Variants in LAMC3 observed in about 807,000 individuals in gnomAD.
The protein encoded by LAMC3 is laminin subunit gamma 3, also known as laminin subunit gamma-3.
In LAMC3, 128 loss-of-function variants were observed where a neutral mutation model predicts 173.8. The ratio of observed to expected loss-of-function variants is 0.74; its 90% confidence interval spans 0.64 to 0.85. LAMC3 has a LOEUF of 0.85. Among genes scored for constraint, LAMC3 ranks in the 40% least tolerant of loss-of-function variants. The pLI, the probability that LAMC3 is intolerant of heterozygous loss-of-function variation, is 0.00. For synonymous variants in LAMC3, 897 were observed against 909.1 expected (o/e 0.99, Z 0.24); for missense variants, 2,022 against 2,156.0 (o/e 0.94, Z 1.23).
chr9:131,026,449 C>T lies in LAMC3; in HGVS notation c.538C>T (p.Arg180Cys), dbSNP rs146609763. 326 of 1,613,620 alleles carry T rather than the reference C, an allele frequency of 2.0e-4. 1 individual carries two copies. Among genetic ancestry groups the T allele is most frequent in the Middle Eastern group, 3.3e-4 (2 of 6,062 alleles). Residue 180 changes from arginine to cysteine, a missense_variant, in exon 2 of 28, where the codon CGC becomes TGC. By Grantham distance (180) the Arg-to-Cys change is radical. Transcript: ENST00000361069. This position sits in a 1 kb window ranked among gnomAD's most constrained non-coding sequence, Gnocchi z 4.8. ...TYGRPEGQYLRPGEDERVAFC... is the reference protein window; with the variant it reads ...TYGRPEGQYLCPGEDERVAFC... ...CGGCCGGCCCGAGGGCCAGTACCTG[C>T]GCCCCGGCGAGGACGAGCGCGTGGC... is the stretch of plus-strand genomic sequence containing the variant.
At chr9:131,063,658 C>A (rs1055143763) in intron 13 of LAMC3, among the ~76,000 whole-genome samples, 5 of 152,182 alleles carry the variant, frequency 3.3e-5, no homozygotes, top group African/African-American at 1.2e-4. Context: ...CCCCTTGCAG[C>A]CCCTCCCAGG....
chr9:131,040,154 C>T (rs1834022716), intron 6 of LAMC3, among the ~76,000 whole-genome samples: 2 of 150,962 alleles, frequency 1.3e-5, no homozygotes, highest in Admixed American at 6.6e-5. Context: ...GCTGGGATTA[C>T]AAGCATGCAC....
intron 23 of LAMC3, chr9:131,080,277 C>T (rs1830214824): frequency 7.1e-6 from 1 of 141,186 alleles, no homozygotes; most frequent in Non-Finnish European, 1.5e-5. Context: ...CACCCAGCCT[C>T]ATTCCTTTTT....
chr9:131,019,670 G>A (rs544623857), intron 1 of LAMC3, among the ~76,000 whole-genome samples: 2 of 152,186 alleles, frequency 1.3e-5, no homozygotes, highest in Non-Finnish European at 2.9e-5. Flanking sequence ...CAGGCTCAGG[G>A]AGCAGAAGGA....
At chr9:131,010,491 T>C (rs1244481123) in intron 1 of LAMC3, among the ~76,000 whole-genome samples, 1 of 152,210 alleles carries the variant, frequency 6.6e-6, no homozygotes, top group Admixed American at 6.5e-5. Flanking sequence ...TGGTTTTCCA[T>C]CCTAGACCAG....
Position 131,072,635 on chromosome 9 carries a change from C to T in LAMC3, c.3217C>T (p.Arg1073Trp), listed in dbSNP as rs757119752. Reference protein sequence around the residue: ...YQGHHLLPGAREAFLEQMMSL... With the variant: ...YQGHHLLPGAWEAFLEQMMSL... ...GGGCTGTGGGCTTCCCATAGGGGCT[C>T]GGGAAGCCTTCCTGGAGCAGATGAT... is the stretch of plus-strand genomic sequence containing the variant. Residue 1073 changes from arginine (R) to tryptophan (W), a missense_variant, in exon 19 of 28, where the codon CGG becomes TGG. By Grantham distance (101) the Arg-to-Trp change is moderately radical. Coordinates refer to ENST00000361069, the MANE Select transcript of LAMC3 (RefSeq NM_006059.4). The T allele has an allele frequency of 1.7e-5, 27 of 1,608,798 alleles. No homozygotes were observed. The highest frequency in any genetic ancestry group is 1.7e-5 in the Admixed American group (1 of 59,582).
intron 12 of LAMC3, among the ~76,000 whole-genome samples, chr9:131,058,761 G>A (rs181461761): frequency 1.3e-5 from 2 of 151,596 alleles, no homozygotes; most frequent in East Asian, 4.0e-4. Flanking sequence ...GGGTGTGGTG[G>A]CAGGCACCTG....
chr9:131,010,622 C>T (rs527652845), intron 1 of LAMC3, among the ~76,000 whole-genome samples: 24 of 152,376 alleles, frequency 1.6e-4, no homozygotes, highest in African/African-American at 5.0e-4. Context: ...TGCCTGCAGT[C>T]CTCGGGTGGG....
In LAMC3 at chr9:131,066,998, G is replaced by C; in HGVS notation, c.2386G>C (p.Asp796His). The C allele has an allele frequency of 6.2e-7, 1 of 1,613,964 alleles. No homozygotes were observed. The highest frequency in any genetic ancestry group is 1.3e-5 in the African/African-American group (1 of 75,048). The change falls in exon 14 of 28, where the codon GAC becomes CAC. Residue 796 changes from aspartate to histidine, a missense_variant. Physicochemically the swap from Asp to His is moderately conservative, Grantham distance 81 (BLOSUM62 -1). Coordinates refer to ENST00000361069, the MANE Select transcript of LAMC3 (RefSeq NM_006059.4). The stretch of plus-strand genomic sequence containing the variant: ...GGTCTGTGATGATGGCTTTTTTGGG[G>C]ACCCGCTGGGGCTCTTTGGGCACCC... ...CEVCDDGFFG[D>H]PLGLFGHPQP...
chr9:131,038,811 C>A, intron 4 of LAMC3, 53 bp from the exon 5 acceptor site: 1 of 1,565,192 alleles, frequency 6.4e-7, no homozygotes, highest in Non-Finnish European at 8.8e-7. Flanking sequence ...ACAGATGCAG[C>A]CTCCTACCAC....
chr9:131,073,209 G>T (rs1017118564), intron 19 of LAMC3, 36 bp from the exon 20 acceptor site: 5 of 1,517,018 alleles, frequency 3.3e-6, no homozygotes, highest in Non-Finnish European at 4.6e-6. Flanking sequence ...TTGGCGATGG[G>T]CCATCAGTTT....
At chr9:131,067,338 C>A in intron 14 of LAMC3, 133 bp downstream of exon 14, 1 of 1,112,298 alleles carries the variant, frequency 9.0e-7, no homozygotes, top group Admixed American at 1.8e-5. Flanking sequence ...TGTCCAGCCT[C>A]AGGCAGGTCA....
chr9:131,081,268 G>A (rs1036629509), intron 23 of LAMC3, among the ~76,000 whole-genome samples: 8 of 152,234 alleles, frequency 5.3e-5, no homozygotes, highest in Non-Finnish European at 1.5e-5. Flanking sequence ...ATTCCAGTGT[G>A]TGGATGAAGC....
At chr9:131,048,182 G>A (rs1054463596) in intron 8 of LAMC3, among the ~76,000 whole-genome samples, 3 of 148,802 alleles carry the variant, frequency 2.0e-5, no homozygotes, top group East Asian at 2.0e-4. Context: ...TCAGCCTCCT[G>A]AGTAGCTCAG....
intron 1 of LAMC3, among the ~76,000 whole-genome samples, chr9:131,019,810 A>C (rs1833595798): frequency 6.6e-6 from 1 of 151,906 alleles, no homozygotes; most frequent in African/African-American, 2.4e-5. Flanking sequence ...CCATGGAGAC[A>C]TGGAGGTCCC....
At chr9:131,089,449 C>T (rs562277722) in intron 27 of LAMC3, among the ~76,000 whole-genome samples, 1 of 152,136 alleles carries the variant, frequency 6.6e-6, no homozygotes, top group South Asian at 2.1e-4. Flanking sequence ...GCAGTCGTGG[C>T]TCACTGCAGC....
chr9:131,071,021 A>G (rs1432479221), intron 17 of LAMC3, among the ~76,000 whole-genome samples: 2 of 152,218 alleles, frequency 1.3e-5, no homozygotes, highest in African/African-American at 4.8e-5. Context: ...AAGCTGGGAC[A>G]TGGCAGGCAT....
chr9:131,064,558 G>C (rs1260839241), intron 13 of LAMC3, among the ~76,000 whole-genome samples: 1 of 152,060 alleles, frequency 6.6e-6, no homozygotes, highest in Admixed American at 6.5e-5. Context: ...AGCTACGCGG[G>C]AGGCTGAGGC....
Position 131,092,432 on chromosome 9 carries a change from G to A in LAMC3, c.*645G>A, listed in dbSNP as rs1482500546. 2.6e-5 allele frequency: 4 copies of A among 154,048 alleles called. No homozygotes were observed. Among genetic ancestry groups the A allele is most frequent in the Non-Finnish European group, 5.8e-5 (4 of 69,230 alleles). 9.5% of individuals were successfully genotyped at this position (154,048 alleles called of 1,614,324 possible). On this transcript the variant is annotated 3_prime_UTR_variant, in exon 28 of 28. Transcript: ENST00000361069. ...CAGGCCAAGAAATGCAAGATCCCGG[G>A]AGGGTTCTTAGCAGCAGAATCTGAG...
Sources: allele counts gnomAD v4.1 joint callset (sites outside exome capture counted in the v4.1 genomes callset), GRCh38; gene constraint gnomAD v4.1.1; non-coding constraint Gnocchi (gnomAD v3.1); transcripts MANE v1.5; gene names NCBI Gene and HGNC (gene_info 2026-07-23, HGNC 2026-07-21).